ZNF577: variants seen among roughly 807,000 people sequenced by gnomAD.
ZNF577 encodes the protein zinc finger protein 577.
A neutral mutation model predicts 13.9 loss-of-function variants in ZNF577; 14 were observed. The observed-to-expected ratio is 1.00, with a 90% CI of 0.66 to 1.57. The LOEUF (loss-of-function observed/expected upper bound fraction) is 1.57, where lower values mean the gene tolerates loss of function less well. Among genes scored for constraint, ZNF577 ranks in the 40% most tolerant of loss-of-function variants. The pLI, the probability that ZNF577 is intolerant of heterozygous loss-of-function variation, is 0.00. For missense variants in ZNF577, 555 were observed against 579.2 expected (o/e 0.96, Z 0.43); for synonymous variants, 203 against 202.9 (o/e 1.00, Z 0.00).
At chr19:51,873,742 A>G (rs1263645520) in intron 5 of ZNF577, 36 bp from the exon 6 acceptor site, 23 of 1,477,864 alleles carry the variant, frequency 1.6e-5, no homozygotes, top group Non-Finnish European at 2.1e-5. Flanking sequence ...ATGCGAGCCA[A>G]ACTTATTGTG....
intron 5 of ZNF577, among the ~76,000 whole-genome samples, chr19:51,854,242 C>T (rs1438078779): frequency 1.3e-5 from 2 of 152,098 alleles, no homozygotes; most frequent in Non-Finnish European, 2.9e-5. Flanking sequence ...CTGATAATAA[C>T]CATTCTGCAC....
intron 5 of ZNF577, chr19:51,860,148 A>G (rs893682240): frequency 5.3e-5 from 8 of 152,182 alleles, no homozygotes; most frequent in African/African-American, 1.9e-4. Flanking sequence ...GACAATTACT[A>G]TGACATTCCA....
intron 9 of ZNF577, among the ~76,000 whole-genome samples, chr19:51,813,119 AACAC>A (rs35245083): frequency 0.011 from 1,498 of 137,112 alleles, 6 homozygotes; most frequent in African/African-American, 0.018. Flanking sequence ...GCTCTGTCTC[AACAC>A]ACACACACAC....
In ZNF577 at chr19:51,816,935, G is replaced by A. The variant is rs550982033; in HGVS notation, c.*600-5261C>T. The stretch of plus-strand genomic sequence containing the variant: ...TTTTGCTTAATCATACATCTTTGTT[G>A]TTTATTGTTTTCCTCTCATTTTTTC... On this transcript the variant is annotated intron_variant and NMD_transcript_variant, in intron 9 of 10. Transcript: ENST00000638827. 2.6e-5 allele frequency among the ~76,000 whole-genome samples: 4 copies of A among 152,224 alleles called. No individual in the cohort carries two copies. In the East Asian group the frequency reaches 7.7e-4, roughly 29 times the overall value.
intron 5 of ZNF577, among the ~76,000 whole-genome samples, chr19:51,845,277 C>A (rs552294171): frequency 1.8e-4 from 28 of 152,040 alleles, no homozygotes; most frequent in Non-Finnish European, 3.7e-4. Context: ...GGCGGATCAC[C>A]TGAGGTCGGA....
intron 5 of ZNF577, among the ~76,000 whole-genome samples, chr19:51,850,641 T>G (rs1305000274): frequency 1.3e-5 from 2 of 152,346 alleles, no homozygotes; most frequent in South Asian, 2.1e-4. Context: ...CTGAGGGTAG[T>G]GTTTAAACTT....
chr19:51,814,943 G>A (rs868152865), intron 9 of ZNF577, among the ~76,000 whole-genome samples: 36 of 151,898 alleles, frequency 2.4e-4, no homozygotes, highest in African/African-American at 7.5e-4. Context: ...CAAAGTAGCT[G>A]GGACTACAGC....
intron 5 of ZNF577, chr19:51,861,287 G>GT (rs557987704): frequency 0.038 from 5,496 of 146,326 alleles, 80 homozygotes; most frequent in Non-Finnish European, 0.051. Flanking sequence ...CTGGCTATTT[G>GT]TTTTTTTTTT....
intron 4 of ZNF577, chr19:51,877,669 A>G (rs2084788296): frequency 7.6e-6 from 2 of 264,796 alleles, no homozygotes; most frequent in Non-Finnish European, 1.4e-5. Flanking sequence ...TCTTGGTGGG[A>G]ATGTAAAATG....
At chr19:51,844,902 A>C (rs1476712021) in exon 6 of ZNF577, 4 of 152,206 alleles carry the variant, frequency 2.6e-5, no homozygotes, top group Admixed American at 6.5e-5. Flanking sequence ...TTTCCTTTAC[A>C]GGAGCTGCCT....
exon 9 of ZNF577, chr19:51,840,049 C>T (rs1375174882): frequency 6.6e-6 from 1 of 152,230 alleles, no homozygotes; most frequent in African/African-American, 2.4e-5. Context: ...CACATGGAAG[C>T]AGCAGTCTTG....
intron 1 of ZNF577, among the ~76,000 whole-genome samples, chr19:51,884,643 A>G (rs1235405622): frequency 6.6e-6 from 1 of 151,442 alleles, no homozygotes; most frequent in Non-Finnish European, 1.5e-5. Flanking sequence ...AATCAATAGA[A>G]TAAAAAAAAA....
At chr19:51,856,580 G>A (rs973485543) in intron 5 of ZNF577, among the ~76,000 whole-genome samples, 4 of 152,122 alleles carry the variant, frequency 2.6e-5, no homozygotes, top group Non-Finnish European at 4.4e-5. Flanking sequence ...TCCGTATTTT[G>A]GGTGTATGTC....
chr19:51,878,173 G>A, intron 4 of ZNF577: 1 of 320,204 alleles, frequency 3.1e-6, no homozygotes, highest in South Asian at 8.5e-5. Flanking sequence ...AGAAGGTAGT[G>A]TTGGTGGCTG....
At chr19:51,838,213 C>A (rs529393461) in intron 9 of ZNF577, among the ~76,000 whole-genome samples, 10 of 152,198 alleles carry the variant, frequency 6.6e-5, no homozygotes, top group African/African-American at 2.4e-4. Flanking sequence ...ATATTGAGTT[C>A]TTTAGGTATC....
At chr19:51,851,801 C>T (rs896312908) in intron 5 of ZNF577, among the ~76,000 whole-genome samples, 18 of 152,304 alleles carry the variant, frequency 1.2e-4, no homozygotes, top group Non-Finnish European at 1.6e-4. Flanking sequence ...CTGTCACTGC[C>T]CCAGGAAACA....
intron 9 of ZNF577, among the ~76,000 whole-genome samples, chr19:51,838,807 G>T (rs929999830): frequency 2.0e-5 from 3 of 151,820 alleles, no homozygotes; most frequent in African/African-American, 7.2e-5. Context: ...TTACTGCCTG[G>T]TTTTTTATTT....
chr19:51,824,247 A>C lies in ZNF577; in HGVS notation c.*600-12573T>G. Reference sequence around the variant, plus strand: ...ACCAAATTTCATCTTCTGGACTACAATAAGTACTACGAATGGGGACACATA... The same window carrying C: ...ACCAAATTTCATCTTCTGGACTACACTAAGTACTACGAATGGGGACACATA... On this transcript the variant is annotated intron_variant and NMD_transcript_variant, in intron 9 of 10. Coordinates refer to the ZNF577 transcript ENST00000638827. The surrounding 1 kb of genome is among the most constrained non-coding windows in gnomAD (Gnocchi z 4.7). The C allele has an allele frequency of 6.2e-7, 1 of 1,614,192 alleles. No individual in the cohort carries two copies. The highest frequency in any genetic ancestry group is 8.5e-7 in the Non-Finnish European group (1 of 1,180,022).
At chr19:51,829,751 C>T (rs939249248) in intron 9 of ZNF577, among the ~76,000 whole-genome samples, 3 of 152,132 alleles carry the variant, frequency 2.0e-5, no homozygotes, top group Non-Finnish European at 4.4e-5. Context: ...GTCACCTAAG[C>T]CTAACCTGTA....
Sources: gnomAD v4.1 joint callset for allele counts (sites outside exome capture counted in the v4.1 genomes callset) on GRCh38, gnomAD v4.1.1 for gene constraint, Gnocchi (gnomAD v3.1) non-coding constraint, MANE v1.5 for transcripts, NCBI Gene and HGNC (gene_info 2026-07-23, HGNC 2026-07-21) for gene names.